Variants in SLC16A3 observed in about 807,000 individuals in gnomAD.
The protein encoded by SLC16A3 is monocarboxylate transporter 4.
A neutral mutation model predicts 25.0 loss-of-function variants in SLC16A3; 22 were observed. That is an observed-to-expected ratio of 0.88 (90% confidence interval 0.63 to 1.26). The LOEUF (loss-of-function observed/expected upper bound fraction) is 1.26. Ranked by LOEUF, SLC16A3 falls within the 50% of genes most tolerant of loss-of-function variation. The pLI, the probability that SLC16A3 is intolerant of heterozygous loss-of-function variation, is 0.00. For missense variants in SLC16A3, 731 were observed against 666.6 expected (o/e 1.10, Z -1.06); for synonymous variants, 390 against 309.2 (o/e 1.26, Z -2.74).
At chr17:82,222,502 G>C (rs1409393217) in intron 1 of SLC16A3, among the ~76,000 whole-genome samples, 1 of 152,196 alleles carries the variant, frequency 6.6e-6, no homozygotes, top group Non-Finnish European at 1.5e-5. Context: ...ACATCATTCA[G>C]CCGTAAAAAG....
chr17:82,232,915 C>CGGTG (rs1188384758), intron 1 of SLC16A3, among the ~76,000 whole-genome samples: 3 of 682 alleles, frequency 4.4e-3, no homozygotes, highest in Admixed American at 0.025. Flanking sequence ...TCCTGGGGGG[C>CGGTG]GGCGGGGGGG....
intron 1 of SLC16A3, among the ~76,000 whole-genome samples, chr17:82,233,269 A>G (rs1050050706): frequency 6.6e-6 from 1 of 152,220 alleles, no homozygotes; most frequent in African/African-American, 2.4e-5. Flanking sequence ...GGGTGAGGAC[A>G]GACGATGGTG....
intron 1 of SLC16A3, chr17:82,234,772 G>A (rs1203207952): frequency 6.6e-6 from 1 of 152,256 alleles, no homozygotes; most frequent in African/African-American, 2.4e-5. Flanking sequence ...GCAAAGACGA[G>A]CCGTCACGGG....
rs1568541617 is a variant in SLC16A3, at chr17:82,237,876, T to A, written c.1106T>A (p.Val369Asp). The stretch of plus-strand genomic sequence containing the variant: ...CTGATGGAGGCGGTGGCCGTGCTCG[T>A]CGGGCCCCCTTCGGGAGGTGAGCGC... The part of the protein sequence containing the change: ...VLLMEAVAVL[V>D]GPPSGGKLLD... The change falls in exon 4 of 5, where the codon GTC (valine) becomes GAC (aspartate). Residue 369 changes from valine to aspartate, a missense_variant. Val to Asp is a radical substitution (Grantham distance 152, BLOSUM62 -3). Coordinates refer to ENST00000582743, the MANE Select transcript of SLC16A3 (RefSeq NM_004207.4). 1 of 1,599,992 alleles carries A rather than the reference T, an allele frequency of 6.3e-7. No homozygotes were observed. Among genetic ancestry groups the A allele is most frequent in the Non-Finnish European group, 8.5e-7 (1 of 1,179,744 alleles).
chr17:82,218,071 C>T (rs1038570818), exon 1 of SLC16A3, among the ~76,000 whole-genome samples: 18 of 152,194 alleles, frequency 1.2e-4, no homozygotes, highest in South Asian at 6.2e-4. Flanking sequence ...GGGCTGGGCA[C>T]GAGGCCACAG....
At chr17:82,219,540 A>G (rs2050375958) in intron 1 of SLC16A3, among the ~76,000 whole-genome samples, 1 of 150,404 alleles carries the variant, frequency 6.6e-6, no homozygotes, top group African/African-American at 2.5e-5. Context: ...GTGTCTCTGG[A>G]GGCCCCAGCT....
intron 1 of SLC16A3, chr17:82,234,013 T>G (rs1025039445): frequency 6.6e-6 from 1 of 152,226 alleles, no homozygotes; most frequent in Non-Finnish European, 1.5e-5. Flanking sequence ...GCTAATTTTT[T>G]TTATTTTTAG....
At chr17:82,220,206 T>C (rs2050380815) in intron 1 of SLC16A3, among the ~76,000 whole-genome samples, 1 of 152,102 alleles carries the variant, frequency 6.6e-6, no homozygotes, top group Non-Finnish European at 1.5e-5. Context: ...CCCAAAACCT[T>C]CTTGCCAAGG....
Position 82,235,623 on chromosome 17 carries a change from C to T in SLC16A3, c.-26-360C>T, listed in dbSNP as rs2050583481. 11 of 336,104 alleles carry T rather than the reference C, an allele frequency of 3.3e-5. 1 individual carries two copies. Among genetic ancestry groups the T allele is most frequent in the South Asian group, 2.5e-4 (9 of 35,876 alleles). 20.8% of individuals were successfully genotyped at this position (336,104 alleles called of 1,614,324 possible). The stretch of plus-strand genomic sequence containing the variant: ...AATCATGGTGTGCGTGGTCCCTGCC[C>T]AGCACGGGTCAGCCAGAGCGAGCCA... On this transcript the variant is annotated intron_variant, in intron 1 of 4. Coordinates refer to ENST00000582743, the MANE Select transcript of SLC16A3 (RefSeq NM_004207.4).
In SLC16A3 at chr17:82,239,132, G is replaced by A. The variant is rs1366658750; in HGVS notation, c.*156G>A. The stretch of plus-strand genomic sequence containing the variant: ...GCCCGATCAGTGTTTTGAGGGGGAA[G>A]GTGGCGGGGTGGGAACCGTGTCATT... On this transcript the variant is annotated 3_prime_UTR_variant, in exon 5 of 5. Transcript: ENST00000582743. 11 of 676,408 alleles carry A rather than the reference G, an allele frequency of 1.6e-5. No homozygotes were observed. Among genetic ancestry groups the A allele is most frequent in the African/African-American group, 3.6e-5 (2 of 54,910 alleles). 41.9% of individuals were successfully genotyped at this position (676,408 alleles called of 1,614,324 possible).
rs1231866791 is a variant in SLC16A3, at chr17:82,238,893, G to C, written c.1315G>C (p.Asp439His). 7 of 1,605,072 alleles carry C rather than the reference G, an allele frequency of 4.4e-6. No homozygotes were observed. The East Asian group carries it at 1.3e-4, about 31-fold the overall frequency. The change falls in exon 5 of 5, where the codon GAC (aspartate) becomes CAC (histidine). Residue 439 changes from aspartate (D) to histidine (H), a missense_variant. Transcript: ENST00000582743. ...CAAGCCTCCTGCAGACTCGGGGGTGGACTTGCGGGAGGTGGAGCATTTCCT... is the reference window on the plus strand; with the variant it reads ...CAAGCCTCCTGCAGACTCGGGGGTGCACTTGCGGGAGGTGGAGCATTTCCT... ...LHKPPADSGV[D>H]LREVEHFLKA...
intron 2 of SLC16A3, 42 bp from the exon 3 acceptor site, chr17:82,236,687 C>G: frequency 1.9e-6 from 3 of 1,585,308 alleles, no homozygotes; most frequent in Non-Finnish European, 2.6e-6. Context: ...GGGGGTAGAG[C>G]TGGCTGCAGG....
chr17:82,238,925 T>G lies in SLC16A3; in HGVS notation c.1347T>G (p.Ala449=), dbSNP rs766127627. 1 of 1,576,952 alleles carries G rather than the reference T, an allele frequency of 6.3e-7. No individual in the cohort carries two copies. Among genetic ancestry groups the G allele is most frequent in the Non-Finnish European group, 8.6e-7 (1 of 1,156,376 alleles). ...DLREVEHFLK[A]EPEKNGEVVH... is the part of the protein sequence containing the mutation. ...GGGAGGTGGAGCATTTCCTGAAGGC[T>G]GAGCCTGAGAAAAACGGGGAGGTGG... Residue 449 remains alanine, a synonymous_variant, in exon 5 of 5, where the codon GCT becomes GCG. Transcript: ENST00000582743.
chr17:82,238,809 A>G lies in SLC16A3; in HGVS notation c.1231A>G (p.Arg411Gly). The G allele has an allele frequency of 6.2e-7, 1 of 1,612,886 alleles. No individual in the cohort carries two copies. Among genetic ancestry groups the G allele is most frequent in the South Asian group, 1.1e-5 (1 of 91,054 alleles). Residue 411 changes from arginine (R) to glycine (G), a missense_variant, in exon 5 of 5, where the codon AGG (arginine) becomes GGG (glycine). Arg to Gly is a moderately radical substitution (Grantham distance 125). Transcript: ENST00000582743. ...GCTGCTGGGCAACTTCTTCTGCATTAGGAAGAAGCCCAAAGAGCCACAGCC... is the reference window on the plus strand; with the variant it reads ...GCTGCTGGGCAACTTCTTCTGCATTGGGAAGAAGCCCAAAGAGCCACAGCC... ...ILLLGNFFCI[R>G]KKPKEPQPEV...
rs1356702973 is a variant in SLC16A3, at chr17:82,237,231, C to T, written c.461C>T (p.Ala154Val). The T allele has an allele frequency of 6.4e-7, 1 of 1,553,890 alleles. No homozygotes were observed. The highest frequency in any genetic ancestry group is 1.2e-5 in the South Asian group (1 of 84,352). ...CCCATGGCCAACGGGCTGGCGGCAGCAGGTAGCCCTGTCTTCCTGTGTGCC... is the reference window on the plus strand; with the variant it reads ...CCCATGGCCAACGGGCTGGCGGCAGTAGGTAGCCCTGTCTTCCTGTGTGCC... ...RRPMANGLAA[A>V]GSPVFLCALS... The change falls in exon 4 of 5, where the codon GCA becomes GTA. Residue 154 changes from alanine (A) to valine (V), a missense_variant. Ala to Val is a moderately conservative substitution (Grantham distance 64, BLOSUM62 0). Transcript: ENST00000582743.
Position 82,238,876 on chromosome 17 carries a change from C to T in SLC16A3, c.1298C>T (p.Pro433Leu), listed in dbSNP as rs755016000. The T allele has an allele frequency of 2.5e-6, 4 of 1,610,118 alleles. No individual in the cohort carries two copies. The highest frequency in any genetic ancestry group is 2.5e-6 in the Non-Finnish European group (3 of 1,177,820). ...AAEEEKLHKP[P>L]ADSGVDLREV... ...GAGGAGGAGAAGCTCCACAAGCCTC[C>T]TGCAGACTCGGGGGTGGACTTGCGG... Residue 433 changes from proline (P) to leucine (L), a missense_variant, in exon 5 of 5, where the codon CCT becomes CTT. Transcript: ENST00000582743.
chr17:82,225,248 G>A (rs1216740545), upstream of SLC16A3, among the ~76,000 whole-genome samples: 1 of 152,054 alleles, frequency 6.6e-6, no homozygotes, highest in Non-Finnish European at 1.5e-5. Context: ...GTGACAGAGT[G>A]AGACTCTGTC....
At chr17:82,230,973 T>G (rs2050485166) in intron 1 of SLC16A3, 1 of 151,664 alleles carries the variant, frequency 6.6e-6, no homozygotes, top group African/African-American at 2.4e-5. Flanking sequence ...GCAAGTGGAG[T>G]CGGCCCCGCC....
Position 82,237,184 on chromosome 17 carries a change from C to G in SLC16A3, c.414C>G (p.Asn138Lys), listed in dbSNP as rs922750257. The G allele has an allele frequency of 1.3e-6, 2 of 1,527,306 alleles. No individual in the cohort carries two copies. Among genetic ancestry groups the G allele is most frequent in the African/African-American group, 2.8e-5 (2 of 72,234 alleles). The allele number at this position is 1,527,306 out of a possible 1,614,324, so 94.6% of individuals were successfully genotyped here. ...TCCAGCCCTCGCTCATCATGCTGAA[C>G]CGCTACTTCAGCAAGCGGCGCCCCA... ...LNFQPSLIMLNRYFSKRRPMA... is the reference protein window; with the variant it reads ...LNFQPSLIMLKRYFSKRRPMA... Residue 138 changes from asparagine (N) to lysine (K), a missense_variant, in exon 4 of 5, where the codon AAC (asparagine) becomes AAG (lysine). By Grantham distance (94) the Asn-to-Lys change is moderately conservative. Transcript: ENST00000582743.
Sources: gnomAD v4.1 joint callset for allele counts (sites outside exome capture counted in the v4.1 genomes callset) on GRCh38, gnomAD v4.1.1 for gene constraint, MANE v1.5 for transcripts, NCBI Gene and HGNC (gene_info 2026-07-23, HGNC 2026-07-21) for gene names.